The following ATP2C2 variants were observed in gnomAD, a reference collection of about 807,000 sequenced individuals.
ATP2C2 encodes ATPase secretory pathway Ca2+ transporting 2.
In ATP2C2, 171 loss-of-function variants were observed where a neutral mutation model predicts 110.8. That is an observed-to-expected ratio of 1.54 (90% CI 1.36 to 1.75). The LOEUF (loss-of-function observed/expected upper bound fraction) is 1.75, where lower values mean the gene tolerates loss of function less well. Among genes scored for constraint, ATP2C2 ranks in the 40% most tolerant of loss-of-function variants. The pLI, the probability that ATP2C2 is intolerant of heterozygous loss-of-function variation, is 0.00. For missense variants in ATP2C2, 1,963 were observed against 1,235.0 expected, an observed-to-expected ratio of 1.59 and a Z score of -8.84; for synonymous variants, 804 against 508.4, an observed-to-expected ratio of 1.58 and a Z score of -7.82.
intron 15 of ATP2C2, among the ~76,000 whole-genome samples, chr16:84,444,541 A>C (rs1015423394): frequency 6.6e-6 from 1 of 152,196 alleles, no homozygotes. Context: ...TTCTCTCTGC[A>C]ATGTCTGTAA....
intron 21 of ATP2C2, 93 bp from the exon 22 acceptor site, chr16:84,459,027 G>T (rs1161092360): frequency 7.3e-7 from 1 of 1,361,986 alleles, no homozygotes; most frequent in South Asian, 1.2e-5. Context: ...CATCAATCTG[G>T]GCGAGTCACC....
chr16:84,416,150 G>A (rs996581793), intron 7 of ATP2C2, among the ~76,000 whole-genome samples: 1 of 152,180 alleles, frequency 6.6e-6, no homozygotes, highest in African/African-American at 2.4e-5. Flanking sequence ...CTCTAGCCTG[G>A]GCAACAGAGC....
At chr16:84,429,141 TTTTTTTGTTTG>T (rs562414804) in intron 11 of ATP2C2, among the ~76,000 whole-genome samples, 112 of 71,852 alleles carry the variant, frequency 1.6e-3, no homozygotes, top group African/African-American at 4.7e-3. Context: ...ATGGCGTTGT[TTTTTTTGTTTG>T]TTTGTTTGTT....
intron 6 of ATP2C2, chr16:84,411,054 A>G (rs1567703690): frequency 4.0e-6 from 2 of 497,800 alleles, no homozygotes; most frequent in South Asian, 2.1e-5. Flanking sequence ...GTAGCCCACA[A>G]AGCCTGTGAA....
chr16:84,422,838 T>G, intron 9 of ATP2C2, 141 bp downstream of exon 9: 1 of 992,174 alleles, frequency 1.0e-6, no homozygotes, highest in Non-Finnish European at 1.4e-6. Context: ...ATTTAATTTT[T>G]TTTTTTAATA....
At position 84,462,083 on chromosome 16, in the gene ATP2C2, C is replaced by A; in HGVS notation, c.2676C>A (p.Ile892=). The change falls in exon 26 of 27, where the codon ATC becomes ATA. Residue 892 remains isoleucine, a synonymous_variant. Coordinates refer to ENST00000262429, the MANE Select transcript of ATP2C2 (RefSeq NM_014861.4). ...SILGQLAVIY[I]PPLQRVFQTE... ...TGGGGCAGCTGGCGGTCATTTACAT[C>A]CCCCCGCTGCAGAGGGTCTTCCAGA... is the stretch of plus-strand genomic sequence containing the variant. The A allele has an allele frequency of 6.2e-7, 1 of 1,613,982 alleles. No homozygotes were observed. The highest frequency in any genetic ancestry group is 8.5e-7 in the Non-Finnish European group (1 of 1,179,942).
At chr16:84,407,095 A>G (rs1905842421) in intron 3 of ATP2C2, 2 of 152,194 alleles carry the variant, frequency 1.3e-5, no homozygotes, top group East Asian at 3.9e-4. Context: ...CCTTGCGTAT[A>G]CGGGTTCTGT....
chr16:84,451,224 G>A (rs1290896177), intron 17 of ATP2C2, among the ~76,000 whole-genome samples: 2 of 152,176 alleles, frequency 1.3e-5, no homozygotes, highest in Admixed American at 1.3e-4. Flanking sequence ...GCTCTCCTGA[G>A]ATGTATTCAC....
intron 26 of ATP2C2, 130 bp from the exon 27 acceptor site, chr16:84,463,484 T>C (rs896239708): frequency 2.7e-6 from 2 of 752,868 alleles, no homozygotes; most frequent in African/African-American, 3.5e-5. Context: ...CTCCCTGCCT[T>C]CAGGGGAATG....
chr16:84,428,233 A>C (rs1192037134), intron 11 of ATP2C2, among the ~76,000 whole-genome samples: 2 of 152,234 alleles, frequency 1.3e-5, no homozygotes, highest in African/African-American at 2.4e-5. Context: ...TCAGGTACCT[A>C]GTATCAGGTG....
Position 84,409,913 on chromosome 16 carries a change from T to G in ATP2C2, c.418-655T>G, listed in dbSNP as rs369466267. 2.0e-4 allele frequency among the ~76,000 whole-genome samples: 30 copies of G among 152,212 alleles called. No individual in the cohort carries two copies. In the East Asian group the frequency reaches 5.2e-3, roughly 26 times the overall value. ...CACGATGGAATTTCCTACTTCCAATTAAAAGGCTGGAGTAGGCCGGGTGCG... is the reference window on the plus strand; with the variant it reads ...CACGATGGAATTTCCTACTTCCAATGAAAAGGCTGGAGTAGGCCGGGTGCG... On this transcript the variant is annotated intron_variant, in intron 4 of 26. Transcript: ENST00000262429.
intron 1 of ATP2C2, 138 bp downstream of exon 1, chr16:84,368,852 G>C: frequency 1.3e-6 from 1 of 761,122 alleles, no homozygotes; most frequent in Non-Finnish European, 2.1e-6. Context: ...GAAAGAAGCT[G>C]TCCTCACAGC....
At chr16:84,392,480 G>C (rs1211168026) in intron 1 of ATP2C2, among the ~76,000 whole-genome samples, 1 of 152,072 alleles carries the variant, frequency 6.6e-6, no homozygotes, top group East Asian at 1.9e-4. Context: ...TTTTCGTTTT[G>C]AGATGGAATT....
intron 11 of ATP2C2, among the ~76,000 whole-genome samples, chr16:84,431,741 C>G (rs1908300400): frequency 6.6e-6 from 1 of 152,124 alleles, no homozygotes; most frequent in South Asian, 2.1e-4. Flanking sequence ...GCCCCTTCTC[C>G]TATTCCTAAC....
chr16:84,412,953 G>T (rs936875494), intron 6 of ATP2C2, among the ~76,000 whole-genome samples: 1 of 151,848 alleles, frequency 6.6e-6, no homozygotes, highest in Non-Finnish European at 1.5e-5. Context: ...AAAAAAATTA[G>T]CTGGGCATGG....
intron 11 of ATP2C2, among the ~76,000 whole-genome samples, chr16:84,431,823 A>C (rs1480600470): frequency 3.3e-5 from 5 of 152,272 alleles, no homozygotes; most frequent in African/African-American, 1.2e-4. Context: ...AGAGAGATGA[A>C]AAGTGTTGGC....
At chr16:84,460,467 T>C (rs752877617) in intron 23 of ATP2C2, 187 bp from the exon 24 acceptor site, 28 of 780,052 alleles carry the variant, frequency 3.6e-5, no homozygotes, top group Non-Finnish European at 5.0e-5. Context: ...CAGCTGCCCA[T>C]GGACCCAGGC....
At chr16:84,409,190 A>G (rs926671253) in intron 4 of ATP2C2, among the ~76,000 whole-genome samples, 2 of 152,158 alleles carry the variant, frequency 1.3e-5, no homozygotes, top group African/African-American at 4.8e-5. Context: ...TAAGCAAACT[A>G]TCACAAGGAC....
chr16:84,383,786 G>GTT (rs753992042), intron 1 of ATP2C2, among the ~76,000 whole-genome samples: 7 of 85,644 alleles, frequency 8.2e-5, no homozygotes, highest in Non-Finnish European at 1.6e-4. Flanking sequence ...TGGTTTTGTT[G>GTT]GTTTTTTTTT....
Sources: allele counts gnomAD v4.1 joint callset (sites outside exome capture counted in the v4.1 genomes callset), GRCh38; gene constraint gnomAD v4.1.1; transcripts MANE v1.5; gene names NCBI Gene and HGNC (gene_info 2026-07-23, HGNC 2026-07-21).